COL6A6: variants seen among roughly 807,000 people sequenced by gnomAD.
COL6A6 encodes collagen type VI alpha 6 chain, also known as collagen alpha-6(VI) chain.
Under a neutral mutation model 208.6 loss-of-function variants are expected in COL6A6, and 183 were observed. The ratio of observed to expected loss-of-function variants is 0.88; its 90% CI spans 0.78 to 0.99. COL6A6 has a LOEUF of 0.99. Ranked by LOEUF, COL6A6 falls within the 50% of genes least tolerant of loss-of-function variation. The pLI is 0.00. For missense variants in COL6A6, 2,816 were observed against 2,815.2 expected (o/e 1.00, Z -0.01); for synonymous variants, 973 against 1,011.8 (o/e 0.96, Z 0.73).
chr3:130,667,748 C>A (rs138777838), intron 36 of COL6A6, among the ~76,000 whole-genome samples: 1,652 of 151,522 alleles, frequency 0.011, 11 homozygotes, highest in Non-Finnish European at 0.018. Context: ...AAAAATGAAG[C>A]CTTGGACTTT....
At chr3:130,525,100 G>T (rs1340589657) in intron 1 of COL6A6, among the ~76,000 whole-genome samples, 1 of 152,120 alleles carries the variant, frequency 6.6e-6, no homozygotes, top group Non-Finnish European at 1.5e-5. Flanking sequence ...AGGATTTCAA[G>T]GTTCATCAAT....
At chr3:130,526,395 G>A (rs34388467) in intron 1 of COL6A6, among the ~76,000 whole-genome samples, 20,433 of 152,100 alleles carry the variant, frequency 0.13, 1,514 homozygotes, top group African/African-American at 0.18. Flanking sequence ...GATCACATGG[G>A]CATGGCTCAC....
intron 20 of COL6A6, among the ~76,000 whole-genome samples, 193 bp downstream of exon 20, chr3:130,600,003 C>T (rs557189114): frequency 1.1e-4 from 16 of 152,240 alleles, no homozygotes; most frequent in African/African-American, 3.6e-4. Context: ...TAGGAAAGTG[C>T]TGACTGCAGA....
intron 19 of COL6A6, 41 bp downstream of exon 19, chr3:130,598,471 G>A (rs2063911676): frequency 3.0e-6 from 4 of 1,330,402 alleles, no homozygotes; most frequent in Non-Finnish European, 3.2e-6. Context: ...CAACAACTGT[G>A]GGGCTTAAGT....
chr3:130,550,465 C>T (rs879932301), intron 1 of COL6A6, among the ~76,000 whole-genome samples: 4 of 152,094 alleles, frequency 2.6e-5, no homozygotes, highest in Middle Eastern at 3.4e-3. Flanking sequence ...TGTGTTAGTT[C>T]GTTTCCATGC....
intron 36 of COL6A6, among the ~76,000 whole-genome samples, chr3:130,672,882 A>G (rs982322079): frequency 2.0e-5 from 3 of 151,396 alleles, no homozygotes; most frequent in African/African-American, 7.3e-5. Flanking sequence ...GGTGGCACAC[A>G]CCTGTAGTCC....
chr3:130,586,612 G>A lies in COL6A6; in HGVS notation c.4077G>A (p.Gln1359=), dbSNP rs1231983432. ...EFGKGFEYRT[Q]LSIGMRELGS... ...GGAAAGGATTTGAGTACAGGACACA[G>A]CTCTCTATTGGCATGAGAGAACTTG... The change falls in exon 11 of 37, where the codon CAG becomes CAA. Residue 1359 remains glutamine, a synonymous_variant. Transcript: ENST00000358511. 6.2e-7 allele frequency: 1 copy of A among 1,613,910 alleles called. No individual in the cohort carries two copies. Among genetic ancestry groups the A allele is most frequent in the African/African-American group, 1.3e-5 (1 of 75,050 alleles).
intron 1 of COL6A6, among the ~76,000 whole-genome samples, chr3:130,554,112 C>T (rs924256188): frequency 5.3e-5 from 8 of 152,194 alleles, no homozygotes; most frequent in African/African-American, 1.9e-4. Flanking sequence ...GGACACAACA[C>T]ACTAGTGGGT....
At chr3:130,627,497 G>A (rs1294312605) in intron 26 of COL6A6, 128 bp downstream of exon 26, 1 of 758,878 alleles carries the variant, frequency 1.3e-6, no homozygotes, top group Admixed American at 2.2e-5. Context: ...ATATATTTCA[G>A]TAATTTATTT....
intron 20 of COL6A6, 48 bp from the exon 21 acceptor site, chr3:130,606,878 TATAAA>T (rs1399442419): frequency 6.9e-7 from 1 of 1,444,254 alleles, no homozygotes; most frequent in Non-Finnish European, 9.6e-7. Flanking sequence ...TTAAATCATA[TATAAA>T]AAGCATTTTT....
chr3:130,634,381 T>C (rs1043064643), intron 26 of COL6A6, among the ~76,000 whole-genome samples: 1 of 152,180 alleles, frequency 6.6e-6, no homozygotes, highest in East Asian at 1.9e-4. Flanking sequence ...TAGGTAGTTA[T>C]GATATGTTGA....
chr3:130,657,428 G>A (rs1449445721), intron 33 of COL6A6, among the ~76,000 whole-genome samples: 3 of 152,198 alleles, frequency 2.0e-5, no homozygotes, highest in Non-Finnish European at 4.4e-5. Flanking sequence ...CAGTGTTTAT[G>A]GATGAAAATG....
intron 20 of COL6A6, 147 bp downstream of exon 20, chr3:130,599,957 C>A: frequency 1.4e-6 from 1 of 730,660 alleles, no homozygotes; most frequent in Non-Finnish European, 2.4e-6. Flanking sequence ...CAGACCAGGG[C>A]TGGCAAAGGA....
chr3:130,674,335 T>C (rs891262165), intron 36 of COL6A6, among the ~76,000 whole-genome samples: 2 of 152,222 alleles, frequency 1.3e-5, no homozygotes, highest in African/African-American at 4.8e-5. Context: ...AGGACACTTC[T>C]GTCAGCAGAG....
chr3:130,644,861 A>C (rs2065422661), intron 31 of COL6A6, 130 bp from the exon 32 acceptor site: 1 of 812,976 alleles, frequency 1.2e-6, no homozygotes, highest in Non-Finnish European at 2.1e-6. Flanking sequence ...CATTTTCTCC[A>C]AACTCTGTTG....
chr3:130,642,130 T>C (rs2065329954), intron 29 of COL6A6, among the ~76,000 whole-genome samples: 1 of 152,132 alleles, frequency 6.6e-6, no homozygotes, highest in Admixed American at 6.5e-5. Context: ...ATTTTTTTCT[T>C]GGGTGTCTCT....
chr3:130,547,858 T>C (rs4277660), intron 1 of COL6A6, among the ~76,000 whole-genome samples: 120,853 of 151,930 alleles, frequency 0.8, 48,784 homozygotes, highest in Non-Finnish European at 0.86. Flanking sequence ...AGGGCAGCGG[T>C]GCCGTCTCGG....
intron 17 of COL6A6, among the ~76,000 whole-genome samples, chr3:130,593,810 G>A (rs1276853000): frequency 6.6e-6 from 1 of 152,166 alleles, no homozygotes; most frequent in Non-Finnish European, 1.5e-5. Flanking sequence ...GTGGGGTGTT[G>A]ACAAGGGTCA....
chr3:130,535,127 T>C (rs971694019), intron 1 of COL6A6, among the ~76,000 whole-genome samples: 2 of 151,870 alleles, frequency 1.3e-5, no homozygotes, highest in African/African-American at 4.8e-5. Flanking sequence ...TTCTCTTTTT[T>C]CCCCCTCACT....
Sources: allele counts gnomAD v4.1 joint callset (sites outside exome capture counted in the v4.1 genomes callset), GRCh38; gene constraint gnomAD v4.1.1; transcripts MANE v1.5; gene names NCBI Gene and HGNC (gene_info 2026-07-23, HGNC 2026-07-21).